Variants in PTK2B observed in about 807,000 individuals in gnomAD.
PTK2B encodes the protein protein-tyrosine kinase 2-beta.
PTK2B carries 71 observed loss-of-function variants against 142.9 expected under a neutral mutation model. The ratio of observed to expected loss-of-function variants is 0.50; its 90% CI spans 0.41 to 0.61. The LOEUF (loss-of-function observed/expected upper bound fraction) is 0.61. Ranked by LOEUF, PTK2B falls within the 20% of genes least tolerant of loss-of-function variation. PTK2B has a pLI of 0.00. For missense variants in PTK2B, 1,105 were observed against 1,320.4 expected, an observed-to-expected ratio of 0.84 and a Z score of 2.53; for synonymous variants, 519 against 503.4, an observed-to-expected ratio of 1.03 and a Z score of -0.42.
Position 27,454,250 on chromosome 8 carries a change from C to T in PTK2B, c.2692C>T (p.Leu898Phe). ...VRAVLELKNELCQLPPEGYVV... is the reference protein window; with the variant it reads ...VRAVLELKNEFCQLPPEGYVV... ...GGCCGTGCTGGAGCTCAAGAATGAG[C>T]TCTGTCAGCTGCCCCCCGAGGGCTA... The change falls in exon 29 of 31, where the codon CTC becomes TTC. Residue 898 changes from leucine to phenylalanine, a missense_variant. Physicochemically the swap from Leu to Phe is conservative, Grantham distance 22. Coordinates refer to ENST00000346049, the MANE Select transcript of PTK2B (RefSeq NM_173176.3). 6.2e-7 allele frequency: 1 copy of T among 1,614,086 alleles called. No homozygotes were observed. Among genetic ancestry groups the T allele is most frequent in the South Asian group, 1.1e-5 (1 of 91,076 alleles).
upstream of PTK2B, among the ~76,000 whole-genome samples, chr8:27,320,757 T>G (rs1803193003): frequency 6.6e-6 from 1 of 152,126 alleles, no homozygotes; most frequent in South Asian, 2.1e-4. Context: ...TTCTTTTGGG[T>G]TTTTAGGAAG....
intron 1 of PTK2B, among the ~76,000 whole-genome samples, chr8:27,381,106 T>TGGGG (rs1806991355): frequency 6.6e-6 from 1 of 152,238 alleles, no homozygotes. Context: ...CAGAATGATA[T>TGGGG]TTGAATACAT....
At chr8:27,421,513 CATCAT>C in intron 4 of PTK2B, among the ~76,000 whole-genome samples, 1 of 152,320 alleles carries the variant, frequency 6.6e-6, no homozygotes, top group African/African-American at 2.4e-5. Flanking sequence ...GCCTTTGCAT[CATCAT>C]GGTTAGCTCC....
chr8:27,396,787 C>T (rs1034104519), intron 1 of PTK2B, among the ~76,000 whole-genome samples: 12 of 152,226 alleles, frequency 7.9e-5, no homozygotes, highest in Admixed American at 7.2e-4. Flanking sequence ...TTATCATCTA[C>T]ATCTGTGTCA....
chr8:27,390,346 G>C (rs185702746), intron 1 of PTK2B, among the ~76,000 whole-genome samples: 1 of 152,090 alleles, frequency 6.6e-6, no homozygotes, highest in Non-Finnish European at 1.5e-5. Context: ...TAAAAGTCAG[G>C]TTTAAAGGCC....
chr8:27,362,730 T>C lies in PTK2B; in HGVS notation c.-37-34818T>C, dbSNP rs530097476. On this transcript the variant is annotated intron_variant, in intron 1 of 30. Coordinates refer to ENST00000346049, the MANE Select transcript of PTK2B (RefSeq NM_173176.3). ...CAGGAGGGACCCAGCCTCGGGAGCC[T>C]GTCTCTGAGAGACAGATGCAGGCAA... 1.1e-4 allele frequency among the ~76,000 whole-genome samples: 17 copies of C among 152,146 alleles called. No individual in the cohort carries two copies. In the East Asian group the frequency reaches 3.3e-3, roughly 29 times the overall value.
intron 1 of PTK2B, among the ~76,000 whole-genome samples, chr8:27,364,063 A>G (rs1417007772): frequency 1.3e-5 from 2 of 152,194 alleles, no homozygotes; most frequent in Non-Finnish European, 2.9e-5. Context: ...AGTCCTCACA[A>G]CAGCGCTGAA....
intron 1 of PTK2B, among the ~76,000 whole-genome samples, chr8:27,337,223 C>G (rs1048302625): frequency 6.6e-6 from 1 of 152,026 alleles, no homozygotes; most frequent in Non-Finnish European, 1.5e-5. Flanking sequence ...GCAACCTCTC[C>G]CTCCTGGGTT....
intron 19 of PTK2B, 30 bp from the exon 20 acceptor site, chr8:27,439,279 C>T: frequency 6.3e-7 from 1 of 1,587,898 alleles, no homozygotes; most frequent in Non-Finnish European, 8.6e-7. Flanking sequence ...TCTTTCTTCC[C>T]TAAAAATCAA....
At chr8:27,430,793 G>T in intron 7 of PTK2B, 83 bp from the exon 8 acceptor site, 1 of 1,523,332 alleles carries the variant, frequency 6.6e-7, no homozygotes. Context: ...CGAGCAGTGG[G>T]CAGTCTCTCA....
At chr8:27,452,912 G>A in intron 27 of PTK2B, 1 of 608,366 alleles carries the variant, frequency 1.6e-6, no homozygotes. Context: ...TCCTATAAAA[G>A]GGACAACAGT....
intron 27 of PTK2B, chr8:27,452,296 TGTG>T (rs1274624256): frequency 6.6e-6 from 1 of 152,092 alleles, no homozygotes; most frequent in African/African-American, 2.4e-5. Context: ...GAAGGCCAGG[TGTG>T]GTGGCTCACA....
chr8:27,337,529 G>A (rs554317927), intron 1 of PTK2B, among the ~76,000 whole-genome samples: 9 of 152,216 alleles, frequency 5.9e-5, no homozygotes, highest in East Asian at 3.9e-4. Context: ...CCACTCCCCC[G>A]TCCCCTGGCA....
At chr8:27,315,860 T>C (rs1054503866) in intron 3 of PTK2B, among the ~76,000 whole-genome samples, 2 of 152,026 alleles carry the variant, frequency 1.3e-5, no homozygotes, top group Non-Finnish European at 2.9e-5. Flanking sequence ...TCCTCCACTA[T>C]AAAAGAAAAG....
intron 1 of PTK2B, among the ~76,000 whole-genome samples, chr8:27,342,990 G>A (rs1270377679): frequency 2.0e-5 from 3 of 152,198 alleles, no homozygotes; most frequent in Non-Finnish European, 4.4e-5. Context: ...GGGAGGAGGA[G>A]GCGTTTGTGA....
intron 1 of PTK2B, among the ~76,000 whole-genome samples, chr8:27,371,304 C>T (rs747659065): frequency 6.6e-6 from 1 of 152,116 alleles, no homozygotes; most frequent in Admixed American, 6.5e-5. Context: ...GCATTCTTGC[C>T]GGCTGAGAGA....
intron 2 of PTK2B, among the ~76,000 whole-genome samples, chr8:27,413,629 C>T (rs1258683202): frequency 3.3e-5 from 5 of 152,164 alleles, no homozygotes; most frequent in South Asian, 2.1e-4. Context: ...ACAGGAAGCC[C>T]GCTGTGCTTA....
rs112021465 is a variant in PTK2B at position 27,364,470 on chromosome 8, G to A, written c.-37-33078G>A. On this transcript the variant is annotated intron_variant, in intron 1 of 30. Transcript: ENST00000346049. The stretch of plus-strand genomic sequence containing the variant: ...ATGTGCTGAAAAGGGAACAGCAGCC[G>A]TGAAGAAAAGCTTCCTGACGGAGGT... 8.5e-5 allele frequency among the ~76,000 whole-genome samples: 13 copies of A among 152,374 alleles called. No individual in the cohort carries two copies. The East Asian group carries it at 9.6e-4, about 11-fold the overall frequency.
At chr8:27,342,294 T>C (rs899757218) in intron 1 of PTK2B, among the ~76,000 whole-genome samples, 4 of 151,940 alleles carry the variant, frequency 2.6e-5, no homozygotes, top group Non-Finnish European at 5.9e-5. Flanking sequence ...TGTTCCTTTT[T>C]TTTTTTTCTT....
Sources: allele counts gnomAD v4.1 joint callset (sites outside exome capture counted in the v4.1 genomes callset), GRCh38; gene constraint gnomAD v4.1.1; transcripts MANE v1.5; gene names NCBI Gene and HGNC (gene_info 2026-07-23, HGNC 2026-07-21).